Variants in EEIG1 observed in about 807,000 individuals in gnomAD.
The protein encoded by EEIG1 is early estrogen-induced gene 1 protein.
chr9:127,964,164 G>A, the EEIG1 span, among the ~76,000 whole-genome samples: 3 of 152,166 alleles, frequency 2.0e-5, no homozygotes, highest in Non-Finnish European at 1.5e-5. Context: ...ATCTTGGTGA[G>A]CCTCAACTTC....
the EEIG1 span, chr9:127,980,363 T>C: frequency 2.0e-6 from 1 of 493,032 alleles, no homozygotes; most frequent in Non-Finnish European, 3.6e-6. Flanking sequence ...CTCGGAGGGG[T>C]TCGGAGCGGC....
chr9:127,948,320 C>G, the EEIG1 span: 2 of 1,612,790 alleles, frequency 1.2e-6, no homozygotes, highest in East Asian at 2.2e-5. Context: ...ACCCCTAGTG[C>G]CCGGGACTGG....
chr9:127,951,805 A>G, the EEIG1 span, among the ~76,000 whole-genome samples: 2 of 117,782 alleles, frequency 1.7e-5, no homozygotes, highest in African/African-American at 3.2e-5. Flanking sequence ...CGACAGCGAG[A>G]CTCCATCTCA....
the EEIG1 span, among the ~76,000 whole-genome samples, chr9:127,946,118 C>T: frequency 6.6e-6 from 1 of 152,248 alleles, no homozygotes; most frequent in Non-Finnish European, 1.5e-5. Flanking sequence ...AGGAGACGGC[C>T]TTAATGGCAG....
chr9:127,945,561 G>A, the EEIG1 span: 1 of 1,564,328 alleles, frequency 6.4e-7, no homozygotes, highest in South Asian at 1.2e-5. This position sits in a 1 kb window ranked among gnomAD's most constrained non-coding sequence, Gnocchi z 6.5. Context: ...CTGTGCTGTA[G>A]CCTGTCAGGG....
the EEIG1 span, among the ~76,000 whole-genome samples, chr9:127,964,581 A>G: frequency 6.6e-6 from 1 of 152,370 alleles, no homozygotes; most frequent in South Asian, 2.1e-4. Context: ...AGGAGCAGAA[A>G]GTCAGGAAAA....
At chr9:127,965,720 A>C in the EEIG1 span, among the ~76,000 whole-genome samples, 1 of 152,212 alleles carries the variant, frequency 6.6e-6, no homozygotes, top group African/African-American at 2.4e-5. Flanking sequence ...TCTAATAAGG[A>C]AACAATTTAA....
chr9:127,947,770 C>T, the EEIG1 span, among the ~76,000 whole-genome samples: 2 of 152,178 alleles, frequency 1.3e-5, no homozygotes, highest in African/African-American at 2.4e-5. Context: ...ATCCTGTTTG[C>T]AGGTAGACAT....
the EEIG1 span, chr9:127,963,803 T>C: frequency 3.3e-5 from 5 of 152,190 alleles, no homozygotes; most frequent in East Asian, 7.7e-4. Context: ...CGGGACACAA[T>C]GCGAGCAACC....
the EEIG1 span, among the ~76,000 whole-genome samples, chr9:127,971,953 G>A: frequency 3.0e-4 from 46 of 152,176 alleles, no homozygotes; most frequent in African/African-American, 1.1e-3. Context: ...GGAAGCCGAC[G>A]AGGCCAGCCT....
At chr9:127,945,210 G>T in the EEIG1 span, among the ~76,000 whole-genome samples, 1 of 152,162 alleles carries the variant, frequency 6.6e-6, no homozygotes, top group Admixed American at 6.5e-5. The surrounding 1 kb of genome is among the most constrained non-coding windows in gnomAD (Gnocchi z 6.5). Context: ...GCCGGGCATG[G>T]CTGCACCCTT....
the EEIG1 span, among the ~76,000 whole-genome samples, chr9:127,979,108 C>T: frequency 6.6e-6 from 1 of 152,234 alleles, no homozygotes; most frequent in South Asian, 2.1e-4. Context: ...ACGTAGGCCT[C>T]CCAAAGTGCT....
the EEIG1 span, among the ~76,000 whole-genome samples, chr9:127,968,686 A>G: frequency 2.0e-5 from 3 of 152,206 alleles, no homozygotes; most frequent in African/African-American, 7.2e-5. Flanking sequence ...TCCATACAGT[A>G]TGCCCTAAGG....
At chr9:127,951,545 C>T in the EEIG1 span, among the ~76,000 whole-genome samples, 3 of 152,024 alleles carry the variant, frequency 2.0e-5, no homozygotes, top group South Asian at 2.1e-4. Context: ...AGGCCGGGCG[C>T]GGTGGCACGC....
At chr9:127,956,408 TTTTA>T in the EEIG1 span, among the ~76,000 whole-genome samples, 3 of 152,172 alleles carry the variant, frequency 2.0e-5, no homozygotes, top group Non-Finnish European at 2.9e-5. Context: ...AACTATTTTG[TTTTA>T]TTTATTTATT....
At chr9:127,973,680 C>T in the EEIG1 span, among the ~76,000 whole-genome samples, 1 of 152,226 alleles carries the variant, frequency 6.6e-6, no homozygotes, top group African/African-American at 2.4e-5. This position sits in a 1 kb window ranked among gnomAD's most constrained non-coding sequence, Gnocchi z 4.2. Flanking sequence ...GCGGAACCAG[C>T]AGATGGCCTG....
the EEIG1 span, chr9:127,953,622 C>T: frequency 6.2e-7 from 1 of 1,613,960 alleles, no homozygotes; most frequent in African/African-American, 1.3e-5. Context: ...GGGAGGGAGA[C>T]ACAAGCAGCA....
chr9:127,952,931 G>A, the EEIG1 span, among the ~76,000 whole-genome samples: 1 of 152,186 alleles, frequency 6.6e-6, no homozygotes, highest in Non-Finnish European at 1.5e-5. Context: ...TGCCAAAGCT[G>A]GTCTTGAACT....
At chr9:127,957,737 C>G in the EEIG1 span, among the ~76,000 whole-genome samples, 23 of 152,184 alleles carry the variant, frequency 1.5e-4, no homozygotes, top group Admixed American at 1.4e-3. Flanking sequence ...AAAAGGTGGT[C>G]CTAGCATTAG....
Sources: gnomAD v4.1 joint callset for allele counts (sites outside exome capture counted in the v4.1 genomes callset) on GRCh38, gnomAD v4.1.1 for gene constraint, Gnocchi (gnomAD v3.1) non-coding constraint, MANE v1.5 for transcripts, NCBI Gene and HGNC (gene_info 2026-07-23, HGNC 2026-07-21) for gene names.